The following NFIL3 variants were observed in gnomAD, a reference collection of about 807,000 sequenced individuals.
The protein encoded by NFIL3 is nuclear factor, interleukin 3 regulated, also known as nuclear factor interleukin-3-regulated protein.
Under a neutral mutation model 10.0 loss-of-function variants are expected in NFIL3, and 5 were observed. The observed-to-expected ratio is 0.50, with a 90% CI of 0.26 to 1.06. The LOEUF is 1.06. Ranked by LOEUF, NFIL3 falls within the 50% of genes least tolerant of loss-of-function variation. NFIL3 has a pLI of 0.13. For synonymous variants in NFIL3, 202 were observed against 206.5 expected (o/e 0.98, Z 0.19); for missense variants, 436 against 547.6 (o/e 0.80, Z 2.03).
At chr9:91,440,320 G>A in the NFIL3 span, among the ~76,000 whole-genome samples, 2 of 152,018 alleles carry the variant, frequency 1.3e-5, no homozygotes, top group African/African-American at 4.8e-5. Context: ...ATAGTCCTGT[G>A]TGATTCTTTT....
chr9:91,416,256 A>G (rs897697695), intron 1 of NFIL3, among the ~76,000 whole-genome samples: 3 of 151,768 alleles, frequency 2.0e-5, no homozygotes, highest in Non-Finnish European at 1.5e-5. Context: ...CAGATTAATC[A>G]GCTAGAAGAC....
chr9:91,423,562 C>CCGCG (rs1371479291), intron 1 of NFIL3, 78 bp downstream of exon 1: 1 of 148,868 alleles, frequency 6.7e-6, no homozygotes, highest in East Asian at 2.0e-4. Flanking sequence ...GGCCCGCACC[C>CCGCG]CGCGCCCGCC....
At position 91,410,140 on chromosome 9, in the gene NFIL3, T is replaced by G; in HGVS notation, c.595A>C (p.Thr199Pro). 2 of 1,614,202 alleles carry G rather than the reference T, an allele frequency of 1.2e-6. No individual in the cohort carries two copies. The highest frequency in any genetic ancestry group is 1.7e-6 in the Non-Finnish European group (2 of 1,180,030). ...CTTCCCTGCACAGAGCTCTCCTGCG[T>G]GTGTTCTACTGAGGACACTTCTGAA... ...DVSEVSSVEH[T>P]QESSVQGSCR... The change falls in exon 2 of 2, where the codon ACG becomes CCG. Residue 199 changes from threonine to proline, a missense_variant. By Grantham distance (38) the Thr-to-Pro change is conservative. Coordinates refer to ENST00000297689, the MANE Select transcript of NFIL3 (RefSeq NM_005384.3). The surrounding 1 kb of genome is among the most constrained non-coding windows in gnomAD (Gnocchi z 5.7).
chr9:91,411,466 C>A (rs568484631), intron 1 of NFIL3, among the ~76,000 whole-genome samples: 1 of 152,290 alleles, frequency 6.6e-6, no homozygotes, highest in Admixed American at 6.5e-5. Flanking sequence ...ACTTCTTCTA[C>A]AAAAACTAAA....
chr9:91,432,494 A>G, the NFIL3 span, among the ~76,000 whole-genome samples: 2 of 152,248 alleles, frequency 1.3e-5, no homozygotes, highest in South Asian at 4.1e-4. Context: ...TTCAAAGTGC[A>G]GCAATAGTCC....
the NFIL3 span, among the ~76,000 whole-genome samples, chr9:91,459,066 A>T: frequency 4.6e-5 from 7 of 152,202 alleles, no homozygotes; most frequent in Admixed American, 4.6e-4. Flanking sequence ...AATTCCTGAC[A>T]GTTCCACCCT....
the NFIL3 span, among the ~76,000 whole-genome samples, chr9:91,482,206 A>T: frequency 1.3e-5 from 2 of 152,232 alleles, no homozygotes; most frequent in African/African-American, 4.8e-5. Context: ...TGTCTATTGC[A>T]ACACTTTTTG....
At chr9:91,463,437 T>C in the NFIL3 span, among the ~76,000 whole-genome samples, 1 of 151,758 alleles carries the variant, frequency 6.6e-6, no homozygotes, top group Non-Finnish European at 1.5e-5. Context: ...ATTTATTTAT[T>C]AAATATTTTA....
chr9:91,421,557 CCCCCA>C (rs1373666306), intron 1 of NFIL3, among the ~76,000 whole-genome samples: 19 of 152,170 alleles, frequency 1.2e-4, no homozygotes, highest in Non-Finnish European at 2.4e-4. Flanking sequence ...ACCAGACCCG[CCCCCA>C]GCCCCGGATT....
the NFIL3 span, among the ~76,000 whole-genome samples, chr9:91,469,903 CT>C: frequency 0.03 from 4,570 of 152,160 alleles, 92 homozygotes; most frequent in East Asian, 0.091. Context: ...GGTGGATAAG[CT>C]TTTTGATGTG....
At chr9:91,446,982 A>G in the NFIL3 span, among the ~76,000 whole-genome samples, 96 of 152,088 alleles carry the variant, frequency 6.3e-4, no homozygotes, top group African/African-American at 2.2e-3. Context: ...TGCCTGGCTA[A>G]TTTTTGTAGT....
the NFIL3 span, among the ~76,000 whole-genome samples, chr9:91,429,146 A>G: frequency 6.6e-6 from 1 of 152,340 alleles, no homozygotes; most frequent in African/African-American, 2.4e-5. Context: ...AGTTCAAATC[A>G]ACGAAGTAAA....
At chr9:91,432,432 C>T in the NFIL3 span, among the ~76,000 whole-genome samples, 5 of 152,174 alleles carry the variant, frequency 3.3e-5, no homozygotes, top group Admixed American at 2.6e-4. Flanking sequence ...ATTCAGGCTC[C>T]GGTTTCTGGG....
At chr9:91,445,681 G>A in the NFIL3 span, among the ~76,000 whole-genome samples, 1 of 152,158 alleles carries the variant, frequency 6.6e-6, no homozygotes, top group Admixed American at 6.5e-5. Context: ...CTGTAGGGCT[G>A]AAGCTTAGGG....
chr9:91,474,075 G>T, the NFIL3 span, among the ~76,000 whole-genome samples: 1 of 143,284 alleles, frequency 7.0e-6, no homozygotes, highest in Non-Finnish European at 1.5e-5. Context: ...CATGTTAGTT[G>T]TAGGGTTTTT....
chr9:91,441,826 T>C, the NFIL3 span, among the ~76,000 whole-genome samples: 1 of 152,232 alleles, frequency 6.6e-6, no homozygotes, highest in Admixed American at 6.5e-5. Context: ...ACAACTTACA[T>C]ATTTTTATAT....
chr9:91,461,004 C>T, the NFIL3 span, among the ~76,000 whole-genome samples: 1 of 152,304 alleles, frequency 6.6e-6, no homozygotes, highest in South Asian at 2.1e-4. Flanking sequence ...GAGTAAGACG[C>T]TTTTGTCATT....
the NFIL3 span, among the ~76,000 whole-genome samples, chr9:91,446,513 C>G: frequency 2.6e-5 from 4 of 152,186 alleles, no homozygotes; most frequent in African/African-American, 9.7e-5. Context: ...AATTCAATAG[C>G]ATTAATTACA....
the NFIL3 span, among the ~76,000 whole-genome samples, chr9:91,444,993 C>T: frequency 6.6e-6 from 1 of 152,046 alleles, no homozygotes; most frequent in Non-Finnish European, 1.5e-5. Context: ...TACTATAGGA[C>T]CTGGGACTTG....
Sources: gnomAD v4.1 joint callset for allele counts (sites outside exome capture counted in the v4.1 genomes callset) on GRCh38, gnomAD v4.1.1 for gene constraint, Gnocchi (gnomAD v3.1) non-coding constraint, MANE v1.5 for transcripts, NCBI Gene and HGNC (gene_info 2026-07-23, HGNC 2026-07-21) for gene names.